The following OXR1 variants were observed in gnomAD, a reference collection of about 807,000 sequenced individuals.
OXR1 encodes the protein oxidation resistance 1, also known as oxidation resistance protein 1.
A neutral mutation model predicts 104.6 loss-of-function variants in OXR1; 41 were observed. The ratio of observed to expected loss-of-function variants is 0.39; its 90% CI spans 0.31 to 0.51. The LOEUF (loss-of-function observed/expected upper bound fraction) is 0.51, where lower values mean the gene tolerates loss of function less well. Ranked by LOEUF, OXR1 falls within the 20% of genes least tolerant of loss-of-function variation. OXR1 has a pLI of 0.77. For missense variants in OXR1, 955 were observed against 1,031.9 expected (o/e 0.93, Z 1.02); for synonymous variants, 348 against 348.4 (o/e 1.00, Z 0.01).
intron 6 of OXR1, among the ~76,000 whole-genome samples, chr8:106,691,298 A>G (rs1373703238): frequency 6.6e-6 from 1 of 151,998 alleles, no homozygotes; most frequent in Non-Finnish European, 1.5e-5. Flanking sequence ...CCACCTCATT[A>G]ATAATCACAG....
chr8:106,487,595 C>A (rs1415126560), intron 2 of OXR1, among the ~76,000 whole-genome samples: 1 of 150,528 alleles, frequency 6.6e-6, no homozygotes, highest in Non-Finnish European at 1.5e-5. Context: ...ACAACAGTCC[C>A]CAGAGTGTGA....
intron 3 of OXR1, among the ~76,000 whole-genome samples, chr8:106,595,102 G>A (rs905048011): frequency 6.6e-6 from 1 of 152,230 alleles, no homozygotes; most frequent in Non-Finnish European, 1.5e-5. Flanking sequence ...TCTTCTTTGT[G>A]TGGACGACCA....
intron 2 of OXR1, among the ~76,000 whole-genome samples, chr8:106,448,671 C>T (rs1820139956): frequency 6.6e-6 from 1 of 152,048 alleles, no homozygotes; most frequent in African/African-American, 2.4e-5. Flanking sequence ...GAAATTCTTA[C>T]TTTCAGTTGT....
intron 2 of OXR1, among the ~76,000 whole-genome samples, chr8:106,388,081 G>T (rs1817450437): frequency 6.6e-6 from 1 of 152,124 alleles, no homozygotes; most frequent in African/African-American, 2.4e-5. Flanking sequence ...AAAGATTGTG[G>T]CTTTCCAGGC....
At chr8:106,342,579 T>G (rs1454216544) in intron 1 of OXR1, among the ~76,000 whole-genome samples, 7 of 152,032 alleles carry the variant, frequency 4.6e-5, no homozygotes, top group Admixed American at 4.6e-4. Context: ...TTATGTATTT[T>G]TTTAGCTTTT....
At chr8:106,499,615 C>T (rs1409274213) in intron 2 of OXR1, among the ~76,000 whole-genome samples, 1 of 152,142 alleles carries the variant, frequency 6.6e-6, no homozygotes, top group African/African-American at 2.4e-5. Flanking sequence ...ATTGCTGCTG[C>T]CATTAATCAA....
Position 106,348,200 on chromosome 8 carries a change from C to T in OXR1, c.-138-11276C>T, listed in dbSNP as rs772888231. 3.9e-5 allele frequency among the ~76,000 whole-genome samples: 6 copies of T among 151,924 alleles called. No homozygotes were observed. The East Asian group carries it at 5.8e-4, about 15-fold the overall frequency. On this transcript the variant is annotated intron_variant, in intron 1 of 16. Coordinates refer to ENST00000517566, the MANE Select transcript of OXR1 (RefSeq NM_001198533.2). Reference sequence around the variant, plus strand: ...TACATGTTGCCAGGTTTAGGGGGCACGAGGGGTGGGAAAGTTTAGGATGAA... The same window carrying T: ...TACATGTTGCCAGGTTTAGGGGGCATGAGGGGTGGGAAAGTTTAGGATGAA...
chr8:106,336,994 G>A (rs1814993651), intron 1 of OXR1, among the ~76,000 whole-genome samples: 1 of 152,074 alleles, frequency 6.6e-6, no homozygotes, highest in African/African-American at 2.4e-5. Context: ...CTTATATTTT[G>A]CAAATATAAA....
At chr8:106,480,241 G>T (rs191166921) in intron 2 of OXR1, among the ~76,000 whole-genome samples, 234 of 152,072 alleles carry the variant, frequency 1.5e-3, no homozygotes, top group African/African-American at 5.4e-3. Flanking sequence ...ACACCAATAT[G>T]CAGACCCAGC....
chr8:106,751,824 T>C lies in OXR1; in HGVS notation c.*883T>C, dbSNP rs1000566029. 1.3e-5 allele frequency: 2 copies of C among 152,456 alleles called. No homozygotes were observed. The highest frequency in any genetic ancestry group is 2.9e-5 in the Non-Finnish European group (2 of 67,960). The allele number at this position is 152,456 out of a possible 1,614,324, so 9.4% of individuals were successfully genotyped here. A position where few individuals can be genotyped will look rare whatever the true frequency, so the allele number is the denominator to read the frequency against. On this transcript the variant is annotated 3_prime_UTR_variant, in exon 17 of 17. Transcript: ENST00000517566. The stretch of plus-strand genomic sequence containing the variant: ...TTATAATTTGGTTGTTTTAGCCTTA[T>C]TGCACACCAACTCCCAAAATATAGG...
At chr8:106,286,262 A>G (rs1812496333) in intron 1 of OXR1, among the ~76,000 whole-genome samples, 1 of 152,000 alleles carries the variant, frequency 6.6e-6, no homozygotes, top group South Asian at 2.1e-4. Flanking sequence ...AAAGTAAAAA[A>G]GTACATCTAG....
chr8:106,553,657 G>T (rs566092786), intron 3 of OXR1, among the ~76,000 whole-genome samples: 1 of 152,002 alleles, frequency 6.6e-6, no homozygotes, highest in Admixed American at 6.6e-5. Context: ...TCCAGTATTA[G>T]ATTTTAAAAA....
intron 3 of OXR1, among the ~76,000 whole-genome samples, chr8:106,675,365 A>G (rs1343557623): frequency 6.6e-6 from 1 of 152,198 alleles, no homozygotes; most frequent in African/African-American, 2.4e-5. Flanking sequence ...CACATATATA[A>G]AACACTAAAC....
At chr8:106,696,953 C>T (rs1282934861) in intron 7 of OXR1, among the ~76,000 whole-genome samples, 1 of 152,158 alleles carries the variant, frequency 6.6e-6, no homozygotes, top group Non-Finnish European at 1.5e-5. Flanking sequence ...GCAGCTGCCA[C>T]AGGCTCCTCC....
intron 2 of OXR1, among the ~76,000 whole-genome samples, chr8:106,498,111 A>C (rs1179474822): frequency 6.6e-6 from 1 of 152,112 alleles, no homozygotes; most frequent in African/African-American, 2.4e-5. Flanking sequence ...TAGCCACCAA[A>C]AGTTCTTATG....
At chr8:106,396,605 G>T (rs1817793087) in intron 2 of OXR1, among the ~76,000 whole-genome samples, 1 of 152,068 alleles carries the variant, frequency 6.6e-6, no homozygotes, top group Non-Finnish European at 1.5e-5. Context: ...ATGCAGTATG[G>T]TTCCCTGGAA....
At chr8:106,533,209 C>T (rs539996125) in intron 3 of OXR1, among the ~76,000 whole-genome samples, 9 of 152,258 alleles carry the variant, frequency 5.9e-5, no homozygotes, top group South Asian at 4.2e-4. Context: ...TAGGAAAGGA[C>T]GTTGAGAACC....
In OXR1 at chr8:106,751,655, G is replaced by A. The variant is rs1162782931; in HGVS notation, c.*714G>A. ...AGTTACAAGTCACAAAGGAGAATGA[G>A]AACTTAATGATTCTATTGGATTTAA... On this transcript the variant is annotated 3_prime_UTR_variant, in exon 17 of 17. Transcript: ENST00000517566. 6.6e-6 allele frequency: 1 copy of A among 152,496 alleles called. No individual in the cohort carries two copies. The highest frequency in any genetic ancestry group is 1.5e-5 in the Non-Finnish European group (1 of 67,966). 9.4% of individuals were successfully genotyped at this position (152,496 alleles called of 1,614,324 possible). A position where few individuals can be genotyped will look rare whatever the true frequency, so the allele number is the denominator to read the frequency against.
chr8:106,742,692 T>C lies in OXR1; in HGVS notation c.2412+375T>C, dbSNP rs28923768. ...TGACAAACCTGACAAAAATAAGCAA[T>C]AGGGAAAGGATTCCCTATTTAATAA... On this transcript the variant is annotated intron_variant, in intron 15 of 16. Transcript: ENST00000517566. Among the ~76,000 whole-genome samples the C allele has an allele frequency of 7.5e-3, 1,145 of 152,144 alleles. 17 individuals are homozygous for C. Among genetic ancestry groups the C allele is most frequent in the African/African-American group, 0.026 (1,059 of 41,500 alleles).
Sources: allele counts gnomAD v4.1 joint callset (sites outside exome capture counted in the v4.1 genomes callset), GRCh38; gene constraint gnomAD v4.1.1; transcripts MANE v1.5; gene names NCBI Gene and HGNC (gene_info 2026-07-23, HGNC 2026-07-21).